C6orf62: variants seen among roughly 807,000 people sequenced by gnomAD.
C6orf62 encodes chromosome 6 open reading frame 62.
Under a neutral mutation model 26.8 loss-of-function variants are expected in C6orf62, and 16 were observed. The observed-to-expected ratio is 0.60, with a 90% CI of 0.40 to 0.91. The LOEUF is 0.91. C6orf62 is among the 40% of genes least tolerant of loss of function. The pLI, the probability that C6orf62 is intolerant of heterozygous loss-of-function variation, is 0.00. For synonymous variants in C6orf62, 112 were observed against 91.5 expected (o/e 1.22, Z -1.28); for missense variants, 192 against 271.4 (o/e 0.71, Z 2.06).
intron 3 of C6orf62, among the ~76,000 whole-genome samples, chr6:24,711,066 C>T (rs148856804): frequency 1.2e-3 from 181 of 152,166 alleles, no homozygotes; most frequent in African/African-American, 4.0e-3. Flanking sequence ...GTGTTAAAAA[C>T]TGAAATACTA....
chr6:24,719,892 T>G (rs1179294212), upstream of C6orf62: 1 of 1,549,750 alleles, frequency 6.5e-7, no homozygotes, highest in East Asian at 2.4e-5. Context: ...TCACTCAGGT[T>G]TTCACTCATT....
chr6:24,710,131 A>G (rs62400788), intron 3 of C6orf62: 3 of 985,060 alleles, frequency 3.0e-6, no homozygotes, highest in Non-Finnish European at 3.6e-6. Flanking sequence ...ATTAGCTACT[A>G]AACAATAGGA....
intron 1 of C6orf62, among the ~76,000 whole-genome samples, chr6:24,717,288 G>C (rs372876791): frequency 6.6e-6 from 1 of 152,064 alleles, no homozygotes; most frequent in Non-Finnish European, 1.5e-5. Flanking sequence ...TATTATCTTG[G>C]ATTTATTTAA....
rs372066391 is a variant in C6orf62 at position 24,715,717 on chromosome 6, G to A, written c.306+431C>T. 7.4e-4 allele frequency among the ~76,000 whole-genome samples: 112 copies of A among 151,836 alleles called. No homozygotes were observed. In the South Asian group the frequency reaches 0.017, roughly 23 times the overall value. On this transcript the variant is annotated intron_variant, in intron 2 of 4. Coordinates refer to ENST00000378119, the MANE Select transcript of C6orf62 (RefSeq NM_030939.5). ...CAAAAAATTAGCCAGGCATGGTGGC[G>A]CACAACTGTAGTCCCAGCTACTCGG...
At chr6:24,714,212 A>G (rs767908081) in intron 3 of C6orf62, 106 bp downstream of exon 3, 1 of 869,230 alleles carries the variant, frequency 1.2e-6, no homozygotes, top group Admixed American at 2.9e-5. Flanking sequence ...CTCGTGAAAT[A>G]AAACTATCAG....
At chr6:24,713,850 G>C (rs1462873448) in intron 3 of C6orf62, among the ~76,000 whole-genome samples, 1 of 152,130 alleles carries the variant, frequency 6.6e-6, no homozygotes. Context: ...TCAAAAGTCA[G>C]CAAGATTTTA....
chr6:24,719,996 T>C (rs1779322147), upstream of C6orf62: 2 of 1,534,358 alleles, frequency 1.3e-6, no homozygotes, highest in Non-Finnish European at 1.8e-6. Flanking sequence ...ATTGTGTTAA[T>C]ATTACTTCTA....
intron 3 of C6orf62, chr6:24,709,330 C>G: frequency 1.0e-6 from 1 of 985,232 alleles, no homozygotes; most frequent in Non-Finnish European, 1.2e-6. Context: ...CTACTCAGTC[C>G]AAGACTCCCA....
At chr6:24,708,638 T>C in intron 4 of C6orf62, 139 bp downstream of exon 4, 1 of 1,165,766 alleles carries the variant, frequency 8.6e-7, no homozygotes, top group Non-Finnish European at 1.2e-6. Context: ...ATGCCCAGCC[T>C]ATTTTTTGCT....
At chr6:24,713,827 C>T (rs1004040783) in intron 3 of C6orf62, among the ~76,000 whole-genome samples, 2 of 152,122 alleles carry the variant, frequency 1.3e-5, no homozygotes, top group African/African-American at 4.8e-5. Context: ...GTCTAGTATA[C>T]CATGACAAAC....
chr6:24,718,775 A>G lies in C6orf62; in HGVS notation c.-107T>C. 1.3e-6 allele frequency: 2 copies of G among 1,568,256 alleles called. No homozygotes were observed. Among genetic ancestry groups the G allele is most frequent in the Middle Eastern group, 1.7e-4 (1 of 5,938 alleles). ...AAACAAGTCATTTTTTTTCCTGCTA[A>G]TATGATTGATTAGCGAAAATCACGA... On this transcript the variant is annotated 5_prime_UTR_variant, in exon 1 of 5. Coordinates refer to ENST00000378119, the MANE Select transcript of C6orf62 (RefSeq NM_030939.5).
At chr6:24,718,097 G>T (rs1000971025) in intron 1 of C6orf62, among the ~76,000 whole-genome samples, 1 of 152,216 alleles carries the variant, frequency 6.6e-6, no homozygotes, top group Non-Finnish European at 1.5e-5. Flanking sequence ...TTCATTAAAT[G>T]TAAGAGAAAA....
chr6:24,712,312 G>C (rs1269689635), intron 3 of C6orf62, among the ~76,000 whole-genome samples: 1 of 152,058 alleles, frequency 6.6e-6, no homozygotes, highest in Admixed American at 6.6e-5. Flanking sequence ...AACCTGGGAG[G>C]CAGAGGTTGC....
At chr6:24,720,503 G>A (rs986559049), upstream of C6orf62, 11 of 562,508 alleles carry the variant, frequency 2.0e-5, no homozygotes, top group Admixed American at 1.2e-4. Flanking sequence ...GCAACAGGGA[G>A]AGAAAAAGAA....
intron 4 of C6orf62, chr6:24,707,114 G>C (rs1036931479): frequency 6.6e-6 from 1 of 152,156 alleles, no homozygotes; most frequent in Non-Finnish European, 1.5e-5. Context: ...GTCTGAAGTA[G>C]CCTACAAATG....
chr6:24,720,031 C>CAAAAA, upstream of C6orf62: 1 of 1,490,472 alleles, frequency 6.7e-7, no homozygotes, highest in Non-Finnish European at 8.9e-7. Context: ...ACCCTCCCCC[C>CAAAAA]AAAAAATTAA....
At chr6:24,713,212 A>C (rs1242527949) in intron 3 of C6orf62, among the ~76,000 whole-genome samples, 3 of 152,258 alleles carry the variant, frequency 2.0e-5, no homozygotes, top group African/African-American at 4.8e-5. Context: ...CAATGAATTC[A>C]TATGGCTTTC....
chr6:24,708,828 GACA>G lies in C6orf62; in HGVS notation c.510_512del (p.Val171del), dbSNP rs1261411022. 3 of 1,614,166 alleles carry G rather than the reference GACA, an allele frequency of 1.9e-6. No homozygotes were observed. Among genetic ancestry groups the G allele is most frequent in the Non-Finnish European group, 1.7e-6 (2 of 1,180,042 alleles). ...GAAACACTGACTGGTTAGGATTGTTGACAACGATTCCAGTCTTGTCCTTGCGGC... is the reference window on the plus strand; with the variant it reads ...GAAACACTGACTGGTTAGGATTGTTGACGATTCCAGTCTTGTCCTTGCGGC... On this transcript the variant is annotated inframe_deletion, in exon 4 of 5. Transcript: ENST00000378119.
chr6:24,717,137 T>C (rs577182684), intron 1 of C6orf62, among the ~76,000 whole-genome samples: 48 of 152,342 alleles, frequency 3.2e-4, no homozygotes, highest in South Asian at 4.1e-4. Context: ...CTATTAAGTA[T>C]ATATCATGAA....
Sources: gnomAD v4.1 joint callset for allele counts (sites outside exome capture counted in the v4.1 genomes callset) on GRCh38, gnomAD v4.1.1 for gene constraint, MANE v1.5 for transcripts, NCBI Gene and HGNC (gene_info 2026-07-23, HGNC 2026-07-21) for gene names.